The following UBE2F variants were observed in gnomAD, a reference collection of about 807,000 sequenced individuals.
UBE2F encodes ubiquitin conjugating enzyme E2 F (putative), also known as NEDD8-conjugating enzyme UBE2F.
In UBE2F, 5 loss-of-function variants were observed where a neutral mutation model predicts 29.6. That is an observed-to-expected ratio of 0.17 (90% CI 0.09 to 0.36). UBE2F has a LOEUF of 0.36. UBE2F is among the 10% of genes least tolerant of loss of function. The pLI, the probability that UBE2F is intolerant of heterozygous loss-of-function variation, is 1.00. For synonymous variants in UBE2F, 66 were observed against 81.8 expected (o/e 0.81, Z 1.04); for missense variants, 141 against 228.5 (o/e 0.62, Z 2.47).
chr2:237,970,079 T>C (rs1342978064), intron 1 of UBE2F, among the ~76,000 whole-genome samples: 1 of 152,170 alleles, frequency 6.6e-6, no homozygotes, highest in Non-Finnish European at 1.5e-5. Flanking sequence ...ATAAAAACAT[T>C]TCCTGCCCGG....
intron 5 of UBE2F, among the ~76,000 whole-genome samples, chr2:238,024,586 C>T (rs558733396): frequency 6.6e-6 from 1 of 152,234 alleles, no homozygotes; most frequent in Admixed American, 6.5e-5. Context: ...TCAAGCAATC[C>T]TCCCACCTCG....
chr2:238,016,212 G>A (rs2064148312), intron 4 of UBE2F, among the ~76,000 whole-genome samples: 1 of 152,210 alleles, frequency 6.6e-6, no homozygotes, highest in Non-Finnish European at 1.5e-5. Context: ...AGATAAAGAA[G>A]TCACTTAAGG....
At chr2:238,031,372 C>T (rs546873448) in intron 7 of UBE2F, among the ~76,000 whole-genome samples, 11 of 152,316 alleles carry the variant, frequency 7.2e-5, no homozygotes, top group African/African-American at 2.6e-4. Context: ...CTGGGGAACA[C>T]GTCTCATGAA....
intron 9 of UBE2F, among the ~76,000 whole-genome samples, chr2:238,038,350 A>G (rs1288201156): frequency 2.6e-5 from 4 of 152,190 alleles, no homozygotes; most frequent in Non-Finnish European, 4.4e-5. Flanking sequence ...CATGGGGGCA[A>G]TCAGTCCCCG....
chr2:237,981,969 T>C (rs781497925), intron 2 of UBE2F, among the ~76,000 whole-genome samples: 4 of 152,142 alleles, frequency 2.6e-5, no homozygotes, highest in Non-Finnish European at 4.4e-5. Context: ...ACTCTTGATA[T>C]AATTGGTCAA....
intron 8 of UBE2F, among the ~76,000 whole-genome samples, chr2:238,034,954 G>A (rs1402939125): frequency 5.9e-5 from 9 of 151,816 alleles, no homozygotes; most frequent in South Asian, 2.1e-4. Flanking sequence ...GTGCAGTGGC[G>A]CCATCTTGGC....
intron 8 of UBE2F, among the ~76,000 whole-genome samples, chr2:238,033,219 G>C (rs1317135143): frequency 6.6e-6 from 1 of 152,224 alleles, no homozygotes. Flanking sequence ...GAAGTTTGCT[G>C]TTCTCAGGAA....
rs1213383088 is a variant in UBE2F, at chr2:237,967,178, C to T, written c.-17+46C>T. Reference sequence around the variant, plus strand: ...TCTGCGGCGGGGCGAGGTGCGGCCGCCGGTGCACGGGCTGGCCTGCGGGCC... The same window carrying T: ...TCTGCGGCGGGGCGAGGTGCGGCCGTCGGTGCACGGGCTGGCCTGCGGGCC... On this transcript the variant is annotated intron_variant, in intron 1 of 9. Transcript: ENST00000272930. This position sits in a 1 kb window ranked among gnomAD's most constrained non-coding sequence, Gnocchi z 6.3. 6 of 1,138,778 alleles carry T rather than the reference C, an allele frequency of 5.3e-6. No homozygotes were observed. The highest frequency in any genetic ancestry group is 6.5e-6 in the Non-Finnish European group (6 of 928,260). The allele number at this position is 1,138,778 out of a possible 1,614,324, so 70.5% of individuals were successfully genotyped here.
In UBE2F at chr2:238,041,405, G is replaced by A; in HGVS notation, c.*67G>A. ...TGTCTCTAACATGAAACAGCAAGAGGTAGCCCCCTCTCCCGTCCTCATGCT... is the reference window on the plus strand; with the variant it reads ...TGTCTCTAACATGAAACAGCAAGAGATAGCCCCCTCTCCCGTCCTCATGCT... On this transcript the variant is annotated 3_prime_UTR_variant, in exon 10 of 10. Coordinates refer to ENST00000272930, the MANE Select transcript of UBE2F (RefSeq NM_080678.3). 1 of 1,558,810 alleles carries A rather than the reference G, an allele frequency of 6.4e-7. No individual in the cohort carries two copies. Among genetic ancestry groups the A allele is most frequent in the African/African-American group, 1.4e-5 (1 of 73,874 alleles).
intron 4 of UBE2F, among the ~76,000 whole-genome samples, chr2:238,005,974 A>T (rs1412534482): frequency 6.6e-6 from 1 of 152,166 alleles, no homozygotes; most frequent in Non-Finnish European, 1.5e-5. Context: ...TTAGGACTGC[A>T]TTGACTCTAA....
chr2:238,024,594 T>G (rs2064371977), intron 5 of UBE2F, among the ~76,000 whole-genome samples: 1 of 152,082 alleles, frequency 6.6e-6, no homozygotes, highest in African/African-American at 2.4e-5. Flanking sequence ...TCCTCCCACC[T>G]CGACCTCCCA....
At chr2:238,027,762 C>T (rs1446705999) in intron 6 of UBE2F, among the ~76,000 whole-genome samples, 2 of 152,206 alleles carry the variant, frequency 1.3e-5, no homozygotes, top group East Asian at 1.9e-4. Context: ...CCAACCGCAC[C>T]TCTGGTTTGT....
chr2:238,030,627 C>G lies in UBE2F; in HGVS notation c.411+14C>G. 3 of 1,606,120 alleles carry G rather than the reference C, an allele frequency of 1.9e-6. No homozygotes were observed. The highest frequency in any genetic ancestry group is 2.6e-6 in the Non-Finnish European group (3 of 1,173,156). On this transcript the variant is annotated intron_variant, in intron 7 of 9. Coordinates refer to ENST00000272930, the MANE Select transcript of UBE2F (RefSeq NM_080678.3). ...AGAACATTAAAGGTAGAGTCTGTGC[C>G]TTGATCTTGATCATAAGTTGTCCCT...
chr2:238,015,159 C>G (rs757951311), intron 4 of UBE2F, among the ~76,000 whole-genome samples: 1 of 152,128 alleles, frequency 6.6e-6, no homozygotes, highest in Non-Finnish European at 1.5e-5. Context: ...TTGGGAAAGG[C>G]CTTTTCTAAG....
Position 238,041,584 on chromosome 2 carries a change from G to A in UBE2F, c.*246G>A, listed in dbSNP as rs963303031. Reference sequence around the variant, plus strand: ...AAGAGTTGTCTGCTTACCTTAACATGTTTACTTTTTTGAACTTGTACTGTA... The same window carrying A: ...AAGAGTTGTCTGCTTACCTTAACATATTTACTTTTTTGAACTTGTACTGTA... On this transcript the variant is annotated 3_prime_UTR_variant, in exon 10 of 10. Coordinates refer to ENST00000272930, the MANE Select transcript of UBE2F (RefSeq NM_080678.3). 2 of 468,710 alleles carry A rather than the reference G, an allele frequency of 4.3e-6. No homozygotes were observed. The highest frequency in any genetic ancestry group is 3.6e-5 in the Admixed American group (1 of 27,878). The allele number at this position is 468,710 out of a possible 1,614,324, so 29.0% of individuals were successfully genotyped here. A position where few individuals can be genotyped will look rare whatever the true frequency, so the allele number is the denominator to read the frequency against.
intron 2 of UBE2F, among the ~76,000 whole-genome samples, chr2:237,987,053 G>T (rs1202687513): frequency 6.6e-6 from 1 of 152,114 alleles, no homozygotes; most frequent in Non-Finnish European, 1.5e-5. Flanking sequence ...GATAGGGATT[G>T]CACTGAATCT....
chr2:237,984,631 A>G (rs1278293896), intron 2 of UBE2F, among the ~76,000 whole-genome samples: 1 of 152,232 alleles, frequency 6.6e-6, no homozygotes. Context: ...CCCAGAGCAC[A>G]CTACTTTCTG....
At chr2:238,006,468 C>G (rs2106369830) in intron 4 of UBE2F, among the ~76,000 whole-genome samples, 1 of 152,296 alleles carries the variant, frequency 6.6e-6, no homozygotes, top group East Asian at 1.9e-4. Flanking sequence ...ATCTCCATTT[C>G]AGTTTTCTGT....
intron 2 of UBE2F, among the ~76,000 whole-genome samples, chr2:237,981,161 T>C (rs912410747): frequency 1.3e-5 from 2 of 152,124 alleles, no homozygotes; most frequent in Non-Finnish European, 2.9e-5. Flanking sequence ...CATTACCTTG[T>C]AGGTGGGTGG....
Sources: allele counts gnomAD v4.1 joint callset (sites outside exome capture counted in the v4.1 genomes callset), GRCh38; gene constraint gnomAD v4.1.1; non-coding constraint Gnocchi (gnomAD v3.1); transcripts MANE v1.5; gene names NCBI Gene and HGNC (gene_info 2026-07-23, HGNC 2026-07-21).